Variants in RARRES1 observed in about 807,000 individuals in gnomAD.
The protein encoded by RARRES1 is retinoic acid receptor responder 1.
A neutral mutation model predicts 30.6 loss-of-function variants in RARRES1; 34 were observed. The observed-to-expected ratio is 1.11, with a 90% CI of 0.84 to 1.48. The LOEUF (loss-of-function observed/expected upper bound fraction) is 1.48, where lower values mean the gene tolerates loss of function less well. Ranked by LOEUF, RARRES1 falls within the 40% of genes most tolerant of loss-of-function variation. The pLI, the probability that RARRES1 is intolerant of heterozygous loss-of-function variation, is 0.00. For synonymous variants in RARRES1, 153 were observed against 155.5 expected (o/e 0.98, Z 0.12); for missense variants, 373 against 386.5 (o/e 0.97, Z 0.29).
Position 158,697,797 on chromosome 3 carries a change from A to C in RARRES1, c.766T>G (p.Trp256Gly). The change falls in exon 6 of 6, where the codon TGG becomes GGG. Residue 256 changes from tryptophan (W) to glycine (G), a missense_variant. Transcript: ENST00000237696. ...EIIPCRIHLV[W>G]YPGKPLKVKY... ...ACTTTAAGAGGTTTGCCAGGGTACC[A>C]GACCAAGTGAATGCGACAGGGAATT... is the stretch of plus-strand genomic sequence containing the variant. 1 of 1,611,264 alleles carries C rather than the reference A, an allele frequency of 6.2e-7. No homozygotes were observed. Among genetic ancestry groups the C allele is most frequent in the South Asian group, 1.1e-5 (1 of 90,834 alleles).
At chr3:158,731,207 T>A (rs7618110) in intron 1 of RARRES1, among the ~76,000 whole-genome samples, 89,905 of 152,120 alleles carry the variant, frequency 0.59, 27,354 homozygotes, top group African/African-American at 0.73. Flanking sequence ...GGTGTTTGCT[T>A]CCAGGCGTTT....
intron 1 of RARRES1, among the ~76,000 whole-genome samples, chr3:158,720,374 G>A (rs2108148448): frequency 6.7e-6 from 1 of 148,868 alleles, no homozygotes; most frequent in African/African-American, 2.6e-5. Flanking sequence ...CTCTGGAAGG[G>A]AGACTGCCAG....
chr3:158,729,356 T>A (rs1727796811), intron 1 of RARRES1, among the ~76,000 whole-genome samples: 1 of 151,736 alleles, frequency 6.6e-6, no homozygotes, highest in African/African-American at 2.4e-5. Flanking sequence ...TGAGAGCTAG[T>A]TTGATTATTT....
chr3:158,708,795 T>G (rs1169851461), intron 3 of RARRES1, among the ~76,000 whole-genome samples: 2 of 152,094 alleles, frequency 1.3e-5, no homozygotes, highest in African/African-American at 2.4e-5. Context: ...GCCTCCCAAG[T>G]AGCTGGGACT....
chr3:158,715,655 A>G (rs1033464667), intron 1 of RARRES1, among the ~76,000 whole-genome samples: 5 of 152,206 alleles, frequency 3.3e-5, no homozygotes, highest in South Asian at 2.1e-4. Flanking sequence ...ACTAAAATCT[A>G]TAGGCATGAG....
At chr3:158,699,441 C>CT (rs377479542) in intron 4 of RARRES1, among the ~76,000 whole-genome samples, 1 of 150,848 alleles carries the variant, frequency 6.6e-6, no homozygotes. Context: ...GCAACCCCCC[C>CT]CCCACCAAAA....
At chr3:158,727,514 C>G (rs1168249701) in intron 1 of RARRES1, among the ~76,000 whole-genome samples, 2 of 152,210 alleles carry the variant, frequency 1.3e-5, no homozygotes, top group African/African-American at 4.8e-5. Flanking sequence ...CGGCCTCTCA[C>G]CAAATGCTCC....
intron 1 of RARRES1, among the ~76,000 whole-genome samples, chr3:158,714,479 G>A (rs970113336): frequency 6.6e-6 from 1 of 152,220 alleles, no homozygotes; most frequent in African/African-American, 2.4e-5. Context: ...AAGCACAGGC[G>A]TGAGGTGGAA....
At position 158,704,792 on chromosome 3, in the gene RARRES1, C is replaced by A. The variant is rs559977164; in HGVS notation, c.671G>T (p.Trp224Leu). 9 of 1,610,246 alleles carry A rather than the reference C, an allele frequency of 5.6e-6. No homozygotes were observed. The highest frequency in any genetic ancestry group is 7.6e-6 in the Non-Finnish European group (9 of 1,178,690). ...AGTTAATTTTCAGGTTTTTCTTACC[C>A]ACTGCCTCACACTAGTGAGCTGTGC... Reference protein sequence around the residue: ...YLAQLTSVRQWKTNDDTIDFD... With the variant: ...YLAQLTSVRQLKTNDDTIDFD... Residue 224 changes from tryptophan to leucine, a missense_variant and splice_region_variant, in exon 4 of 6, where the codon TGG (tryptophan) becomes TTG (leucine). Trp to Leu is a moderately conservative substitution (Grantham distance 61, BLOSUM62 -2). Coordinates refer to ENST00000237696, the MANE Select transcript of RARRES1 (RefSeq NM_206963.2).
At chr3:158,704,300 A>G (rs1726839549) in intron 4 of RARRES1, among the ~76,000 whole-genome samples, 1 of 141,976 alleles carries the variant, frequency 7.0e-6, no homozygotes, top group African/African-American at 2.6e-5. Context: ...TAGCTCAATC[A>G]TAGCTTATTA....
chr3:158,712,518 G>C (rs1383967145), intron 2 of RARRES1, among the ~76,000 whole-genome samples: 1 of 152,196 alleles, frequency 6.6e-6, no homozygotes, highest in Non-Finnish European at 1.5e-5. Context: ...TGCTGGTTTT[G>C]AGTGAGAGGG....
intron 3 of RARRES1, among the ~76,000 whole-genome samples, chr3:158,710,247 G>A (rs141983968): frequency 0.01 from 1,347 of 133,378 alleles, 10 homozygotes; most frequent in Non-Finnish European, 0.016. Context: ...CATTCTTGTT[G>A]TCCAGGCTGG....
chr3:158,728,516 C>CTTTTTT (rs755791546), intron 1 of RARRES1, among the ~76,000 whole-genome samples: 1,896 of 133,670 alleles, frequency 0.014, 26 homozygotes, highest in African/African-American at 0.051. Context: ...CTTTTTCTTT[C>CTTTTTT]TTTTTTTTTT....
At chr3:158,700,883 A>G (rs969007991) in intron 4 of RARRES1, among the ~76,000 whole-genome samples, 7 of 151,662 alleles carry the variant, frequency 4.6e-5, no homozygotes, top group African/African-American at 1.7e-4. Flanking sequence ...AACCCAACCC[A>G]CCCCATGCCC....
At position 158,697,953 on chromosome 3, in the gene RARRES1, T is replaced by G. The variant is rs761322301; in HGVS notation, c.690A>C (p.Thr230=). 1 of 1,530,456 alleles carries G rather than the reference T, an allele frequency of 6.5e-7. No homozygotes were observed. The highest frequency in any genetic ancestry group is 9.0e-7 in the Non-Finnish European group (1 of 1,107,258). 94.8% of individuals were successfully genotyped at this position (1,530,456 alleles called of 1,614,324 possible). A position where few individuals can be genotyped will look rare whatever the true frequency, so the allele number is the denominator to read the frequency against. Reference sequence around the variant, plus strand: ...GTAGAACAGTATAATCAAAATCAATTGTATCATCATTAGTTTTCTAGAGGG... The same window carrying G: ...GTAGAACAGTATAATCAAAATCAATGGTATCATCATTAGTTTTCTAGAGGG... ...SVRQWKTNDD[T]IDFDYTVLLH... is the part of the protein sequence containing the mutation. The change falls in exon 5 of 6, where the codon ACA becomes ACC. Residue 230 remains threonine (T), a synonymous_variant. Coordinates refer to ENST00000237696, the MANE Select transcript of RARRES1 (RefSeq NM_206963.2).
At chr3:158,728,170 G>T (rs868737796) in intron 1 of RARRES1, among the ~76,000 whole-genome samples, 1 of 150,726 alleles carries the variant, frequency 6.6e-6, no homozygotes, top group Non-Finnish European at 1.5e-5. Context: ...CCTTGCTTTC[G>T]CAATACACTC....
chr3:158,732,251 CG>C lies in RARRES1; in HGVS notation c.164del (p.Pro55ArgfsTer89). The C allele has an allele frequency of 7.2e-7, 1 of 1,380,726 alleles. No individual in the cohort carries two copies. The allele number at this position is 1,380,726 out of a possible 1,614,324, so 85.5% of individuals were successfully genotyped here. On this transcript the variant is annotated frameshift_variant, in exon 1 of 6. Transcript: ENST00000237696. LOFTEE classifies it high-confidence loss of function. ...DPGQPQDAGV[P>X]RRLLQQAARA... The stretch of plus-strand genomic sequence containing the variant: ...GCGCCGCCTGCTGCAGGAGCCTGCG[CG>C]GGACCCCAGCATCCTGAGGCTGCCC...
At chr3:158,718,064 C>T (rs755395208) in intron 1 of RARRES1, among the ~76,000 whole-genome samples, 11 of 151,818 alleles carry the variant, frequency 7.2e-5, no homozygotes, top group African/African-American at 1.9e-4. Context: ...CTGCAACCTC[C>T]GCCTCCTGGG....
rs563027484 is a variant in RARRES1 at position 158,718,261 on chromosome 3, A to C, written c.277-4402T>G. On this transcript the variant is annotated intron_variant, in intron 1 of 5. Coordinates refer to ENST00000237696, the MANE Select transcript of RARRES1 (RefSeq NM_206963.2). ...CCAAAGTGCTGGGATTACAGGTGTG[A>C]GCCACTGTGCCTGGCCTTAAAACAA... Among the ~76,000 whole-genome samples, 370 of 152,272 alleles carry C rather than the reference A, an allele frequency of 2.4e-3. 1 individual carries two copies. Among genetic ancestry groups the C allele is most frequent in the Non-Finnish European group, 4.2e-3 (287 of 68,026 alleles).
Sources: gnomAD v4.1 joint callset for allele counts (sites outside exome capture counted in the v4.1 genomes callset) on GRCh38, gnomAD v4.1.1 for gene constraint, MANE v1.5 for transcripts, NCBI Gene and HGNC (gene_info 2026-07-23, HGNC 2026-07-21) for gene names.